The following EYS variants were observed in gnomAD, a reference collection of about 807,000 sequenced individuals.
EYS encodes the protein EGF-like photoreceptor maintenance factor.
In EYS, 250 loss-of-function variants were observed where a neutral mutation model predicts 282.1. The ratio of observed to expected loss-of-function variants is 0.89; its 90% CI spans 0.80 to 0.98. EYS has a LOEUF of 0.98. Among genes scored for constraint, EYS ranks in the 50% least tolerant of loss-of-function variants. The pLI is 0.00. For synonymous variants in EYS, 1,355 were observed against 1,282.9 expected (o/e 1.06, Z -1.20); for missense variants, 4,016 against 3,709.0 (o/e 1.08, Z -2.15).
intron 2 of EYS, among the ~76,000 whole-genome samples, chr6:65,572,561 A>C (rs982206038): frequency 9.9e-5 from 15 of 152,282 alleles, no homozygotes; most frequent in African/African-American, 3.6e-4. Context: ...TGAAATTAAA[A>C]TATACAGTCA....
At chr6:64,191,242 A>T (rs756927624) in intron 31 of EYS, among the ~76,000 whole-genome samples, 6 of 151,810 alleles carry the variant, frequency 4.0e-5, no homozygotes, top group Non-Finnish European at 7.4e-5. Flanking sequence ...GCCTTGTTTT[A>T]AGAAATCCTT....
At chr6:65,636,538 G>T (rs1767096742) in intron 2 of EYS, among the ~76,000 whole-genome samples, 1 of 152,002 alleles carries the variant, frequency 6.6e-6, no homozygotes, top group South Asian at 2.1e-4. Context: ...TGACTATTCT[G>T]TATAAAACAG....
At chr6:64,789,884 G>GATATAT (rs56097288) in intron 22 of EYS, among the ~76,000 whole-genome samples, 4,768 of 148,704 alleles carry the variant, frequency 0.032, 217 homozygotes, top group African/African-American at 0.11. Flanking sequence ...AAAGTTGTAT[G>GATATAT]ATATATATAT....
intron 13 of EYS, among the ~76,000 whole-genome samples, chr6:65,001,876 A>C (rs1480941683): frequency 6.8e-6 from 1 of 147,250 alleles, no homozygotes; most frequent in Non-Finnish European, 1.5e-5. Context: ...TATATTATGA[A>C]TGATTATATT....
intron 2 of EYS, among the ~76,000 whole-genome samples, chr6:65,527,861 T>A (rs1304470184): frequency 1.3e-5 from 2 of 152,190 alleles, no homozygotes; most frequent in Non-Finnish European, 1.5e-5. Flanking sequence ...AAGTAACACA[T>A]CCATCAACAT....
chr6:64,377,703 T>G (rs1209326672), intron 29 of EYS: 2 of 151,862 alleles, frequency 1.3e-5, no homozygotes, highest in Non-Finnish European at 2.9e-5. Flanking sequence ...TGTTTTTGAT[T>G]TTTTTTTAAT....
At chr6:64,032,392 G>T (rs1282102275) in intron 33 of EYS, among the ~76,000 whole-genome samples, 1 of 152,152 alleles carries the variant, frequency 6.6e-6, no homozygotes, top group African/African-American at 2.4e-5. Flanking sequence ...GCACTTCTTT[G>T]TGTGCTTATT....
At chr6:64,676,906 A>C (rs1301309343) in intron 22 of EYS, among the ~76,000 whole-genome samples, 1 of 152,136 alleles carries the variant, frequency 6.6e-6, no homozygotes, top group Non-Finnish European at 1.5e-5. Context: ...TCACCTTGGG[A>C]GTTAGGATTT....
chr6:65,075,766 T>A (rs1289841269), intron 12 of EYS, among the ~76,000 whole-genome samples: 2 of 151,992 alleles, frequency 1.3e-5, no homozygotes, highest in Non-Finnish European at 2.9e-5. Flanking sequence ...TTATAGCAAC[T>A]CTTGGAGAAT....
intron 19 of EYS, among the ~76,000 whole-genome samples, chr6:64,870,994 T>C (rs1203287464): frequency 6.6e-6 from 1 of 151,726 alleles, no homozygotes; most frequent in African/African-American, 2.4e-5. Context: ...CAGAAGAAGA[T>C]GAAAAGGAAG....
At chr6:65,141,863 C>T (rs1198501263) in intron 12 of EYS, among the ~76,000 whole-genome samples, 2 of 151,922 alleles carry the variant, frequency 1.3e-5, no homozygotes, top group Non-Finnish European at 2.9e-5. Context: ...GAAATGAAGA[C>T]ATTTGTAGGT....
intron 2 of EYS, among the ~76,000 whole-genome samples, chr6:65,527,961 G>C (rs1582417773): frequency 1.3e-5 from 2 of 152,132 alleles, no homozygotes; most frequent in South Asian, 4.1e-4. Flanking sequence ...GGATTCACTG[G>C]TTGTGCCATG....
At chr6:65,187,648 G>T (rs1290722106) in intron 12 of EYS, among the ~76,000 whole-genome samples, 1 of 151,570 alleles carries the variant, frequency 6.6e-6, no homozygotes, top group Non-Finnish European at 1.5e-5. Flanking sequence ...AATGCAACTG[G>T]TCAAACTGTG....
intron 30 of EYS, among the ~76,000 whole-genome samples, chr6:64,274,472 C>T (rs1194873615): frequency 4.9e-5 from 6 of 123,526 alleles, no homozygotes; most frequent in East Asian, 2.1e-4. Flanking sequence ...CGAGCCACCA[C>T]GCCTGGCCGT....
At chr6:64,750,723 T>C (rs971041109) in intron 22 of EYS, among the ~76,000 whole-genome samples, 13 of 152,128 alleles carry the variant, frequency 8.5e-5, no homozygotes, top group Non-Finnish European at 1.5e-4. Flanking sequence ...CACTTGGAAA[T>C]AGCAAGATAA....
chr6:64,656,208 C>T (rs891746755), intron 22 of EYS, among the ~76,000 whole-genome samples: 1 of 151,876 alleles, frequency 6.6e-6, no homozygotes, highest in African/African-American at 2.4e-5. Flanking sequence ...AAAATAAATG[C>T]TGCTATGTTT....
At chr6:64,095,733 T>G (rs1236810156) in intron 31 of EYS, among the ~76,000 whole-genome samples, 1 of 152,238 alleles carries the variant, frequency 6.6e-6, no homozygotes, top group African/African-American at 2.4e-5. Flanking sequence ...GTCTTTTAAT[T>G]GGAGCATTTA....
At chr6:65,474,943 G>A (rs1406738095) in intron 5 of EYS, among the ~76,000 whole-genome samples, 1 of 152,000 alleles carries the variant, frequency 6.6e-6, no homozygotes, top group Non-Finnish European at 1.5e-5. Flanking sequence ...AGAGAGACTT[G>A]CATTTTGGCT....
chr6:63,874,925 A>G (rs1453689793), intron 35 of EYS, among the ~76,000 whole-genome samples: 2 of 152,152 alleles, frequency 1.3e-5, no homozygotes, highest in Non-Finnish European at 2.9e-5. Flanking sequence ...AAACGGGGAC[A>G]ATTTGACTTC....
Sources: allele counts gnomAD v4.1 joint callset (sites outside exome capture counted in the v4.1 genomes callset), GRCh38; gene constraint gnomAD v4.1.1; transcripts MANE v1.5; gene names NCBI Gene and HGNC (gene_info 2026-07-23, HGNC 2026-07-21).